GRID2: variants seen among roughly 807,000 people sequenced by gnomAD.
GRID2 encodes the protein glutamate ionotropic receptor delta type subunit 2.
GRID2 carries 33 observed loss-of-function variants against 114.8 expected under a neutral mutation model. The ratio of observed to expected loss-of-function variants is 0.29; its 90% CI spans 0.22 to 0.38. The LOEUF is 0.38. Ranked by LOEUF, GRID2 falls within the 10% of genes least tolerant of loss-of-function variation. The pLI, the probability that GRID2 is intolerant of heterozygous loss-of-function variation, is 1.00. For synonymous variants in GRID2, 505 were observed against 449.9 expected, an observed-to-expected ratio of 1.12 and a Z score of -1.55; for missense variants, 1,184 against 1,257.7, an observed-to-expected ratio of 0.94 and a Z score of 0.89.
intron 13 of GRID2, among the ~76,000 whole-genome samples, chr4:93,600,493 A>T (rs1453196557): frequency 2.6e-5 from 4 of 152,210 alleles, no homozygotes; most frequent in Non-Finnish European, 1.5e-5. Context: ...GCCACCAAGA[A>T]AATATAAATT....
chr4:92,360,164 TA>T (rs1331314842), intron 1 of GRID2, among the ~76,000 whole-genome samples: 1 of 151,992 alleles, frequency 6.6e-6, no homozygotes, highest in Non-Finnish European at 1.5e-5. Context: ...TTATAAGCAA[TA>T]CATTGGCTCT....
At chr4:92,317,166 A>G (rs992356186) in intron 1 of GRID2, among the ~76,000 whole-genome samples, 9 of 152,188 alleles carry the variant, frequency 5.9e-5, no homozygotes, top group Non-Finnish European at 1.3e-4. Flanking sequence ...AGTTAATAGT[A>G]CACTGTTCTT....
At chr4:93,259,273 C>G (rs949102745) in intron 8 of GRID2, among the ~76,000 whole-genome samples, 5 of 151,792 alleles carry the variant, frequency 3.3e-5, no homozygotes, top group African/African-American at 1.2e-4. Flanking sequence ...TTTAACTTGT[C>G]ACTAGAATAT....
At chr4:93,224,519 A>C (rs2149492225) in intron 6 of GRID2, 95 bp from the exon 7 acceptor site, 1 of 750,220 alleles carries the variant, frequency 1.3e-6, no homozygotes, top group South Asian at 1.7e-5. Context: ...GCCATGTATG[A>C]CATGAACAGA....
At chr4:93,113,022 G>C (rs1732913196) in intron 4 of GRID2, among the ~76,000 whole-genome samples, 1 of 152,098 alleles carries the variant, frequency 6.6e-6, no homozygotes, top group Non-Finnish European at 1.5e-5. Flanking sequence ...ATAAATTTGA[G>C]AAGGAGGTAG....
intron 14 of GRID2, among the ~76,000 whole-genome samples, chr4:93,658,248 G>A (rs1439893350): frequency 6.6e-6 from 1 of 152,126 alleles, no homozygotes; most frequent in African/African-American, 2.4e-5. Context: ...TAGGATGACA[G>A]TACACTGGGG....
chr4:93,125,301 A>G (rs1490679379), intron 4 of GRID2, among the ~76,000 whole-genome samples: 1 of 152,016 alleles, frequency 6.6e-6, no homozygotes, highest in Non-Finnish European at 1.5e-5. Flanking sequence ...ATGAAAGAGT[A>G]TATATATGAA....
intron 2 of GRID2, among the ~76,000 whole-genome samples, chr4:92,914,214 A>G (rs900261456): frequency 6.6e-6 from 1 of 152,082 alleles, no homozygotes; most frequent in African/African-American, 2.4e-5. Context: ...TATTTTCCCC[A>G]ATGTTAAACA....
At chr4:93,712,791 C>T (rs999287203) in intron 14 of GRID2, among the ~76,000 whole-genome samples, 5 of 152,068 alleles carry the variant, frequency 3.3e-5, no homozygotes, top group Non-Finnish European at 5.9e-5. Context: ...AAATTTTCCA[C>T]GATTTATGTG....
chr4:93,009,341 C>G (rs775422529), intron 2 of GRID2, among the ~76,000 whole-genome samples: 4 of 151,980 alleles, frequency 2.6e-5, no homozygotes, highest in Non-Finnish European at 5.9e-5. Flanking sequence ...CTGCTTTGTA[C>G]GGAGTGAAAA....
chr4:92,398,960 T>A (rs1008676181), intron 1 of GRID2, among the ~76,000 whole-genome samples: 1 of 152,182 alleles, frequency 6.6e-6, no homozygotes, highest in Admixed American at 6.6e-5. Context: ...CCGTAACAAC[T>A]CAAAAAATTA....
chr4:93,400,544 C>T (rs1376316766), intron 9 of GRID2, among the ~76,000 whole-genome samples: 3 of 151,806 alleles, frequency 2.0e-5, no homozygotes, highest in Admixed American at 1.3e-4. Context: ...CATGGTAATT[C>T]ATGAAAACAC....
intron 2 of GRID2, among the ~76,000 whole-genome samples, chr4:92,832,259 A>G (rs1742154165): frequency 6.6e-6 from 1 of 152,056 alleles, no homozygotes; most frequent in African/African-American, 2.4e-5. Flanking sequence ...GGCCACCAAG[A>G]TGAAACACGA....
intron 13 of GRID2, among the ~76,000 whole-genome samples, chr4:93,587,469 A>G (rs1203614999): frequency 6.6e-6 from 1 of 152,148 alleles, no homozygotes; most frequent in Admixed American, 6.6e-5. Context: ...TACTGCTAAT[A>G]CTACTGTGAT....
At chr4:92,397,285 T>C (rs1185432038) in intron 1 of GRID2, among the ~76,000 whole-genome samples, 1 of 151,730 alleles carries the variant, frequency 6.6e-6, no homozygotes, top group Non-Finnish European at 1.5e-5. Flanking sequence ...ATTAACTATA[T>C]TAAAAGGAAG....
chr4:93,676,879 A>G (rs985476254), intron 14 of GRID2, among the ~76,000 whole-genome samples: 3 of 151,990 alleles, frequency 2.0e-5, no homozygotes, highest in Admixed American at 6.5e-5. Context: ...CTGCATTTCC[A>G]TCTGAGGTAC....
chr4:92,427,055 A>G (rs1465852497), intron 1 of GRID2, among the ~76,000 whole-genome samples: 1 of 152,180 alleles, frequency 6.6e-6, no homozygotes, highest in Admixed American at 6.5e-5. Flanking sequence ...ACATTGAATT[A>G]TTAAATAGTG....
chr4:92,880,867 G>A (rs563897157), intron 2 of GRID2, among the ~76,000 whole-genome samples: 3 of 151,466 alleles, frequency 2.0e-5, no homozygotes, highest in Admixed American at 1.3e-4. Context: ...GATTACAGGC[G>A]CCTGCCACCA....
At chr4:92,819,804 T>C (rs193112720) in intron 2 of GRID2, among the ~76,000 whole-genome samples, 1 of 152,138 alleles carries the variant, frequency 6.6e-6, no homozygotes, top group Non-Finnish European at 1.5e-5. Flanking sequence ...AGTTAAGTAA[T>C]CTTTGGTATT....
Sources: gnomAD v4.1 joint callset for allele counts (sites outside exome capture counted in the v4.1 genomes callset) on GRCh38, gnomAD v4.1.1 for gene constraint, MANE v1.5 for transcripts, NCBI Gene and HGNC (gene_info 2026-07-23, HGNC 2026-07-21) for gene names.